Variants in HOATZ observed in about 807,000 individuals in gnomAD.
HOATZ encodes the protein cilia- and flagella-associated protein HOATZ.
A neutral mutation model predicts 24.9 loss-of-function variants in HOATZ; 26 were observed. The ratio of observed to expected loss-of-function variants is 1.04; its 90% CI spans 0.76 to 1.45. HOATZ has a LOEUF of 1.45. Ranked by LOEUF, HOATZ falls within the 40% of genes most tolerant of loss-of-function variation. HOATZ has a pLI of 0.00. For missense variants in HOATZ, 226 were observed against 201.5 expected, an observed-to-expected ratio of 1.12 and a Z score of -0.74; for synonymous variants, 83 against 76.6, an observed-to-expected ratio of 1.08 and a Z score of -0.43.
chr11:111,529,489 G>A (rs981076432), intron 3 of HOATZ, among the ~76,000 whole-genome samples: 20 of 151,854 alleles, frequency 1.3e-4, no homozygotes, highest in African/African-American at 4.4e-4. Flanking sequence ...TCAGCCTCCC[G>A]AGTTGCTGGG....
At chr11:111,531,955 T>C (rs1015727836) in intron 3 of HOATZ, among the ~76,000 whole-genome samples, 5 of 152,200 alleles carry the variant, frequency 3.3e-5, no homozygotes, top group Admixed American at 3.3e-4. Flanking sequence ...CAGCAGCTTC[T>C]GGGGCTTTGC....
intron 5 of HOATZ, chr11:111,536,506 C>A: frequency 3.4e-6 from 1 of 291,740 alleles, no homozygotes. Context: ...AATCAATTAC[C>A]AATGATGAAA....
At chr11:111,520,348 T>C (rs1331356492) in intron 3 of HOATZ, among the ~76,000 whole-genome samples, 1 of 152,162 alleles carries the variant, frequency 6.6e-6, no homozygotes, top group East Asian at 1.9e-4. Context: ...GGCATATATG[T>C]AAATGACAGA....
intron 5 of HOATZ, chr11:111,536,008 C>T (rs988085535): frequency 1.3e-5 from 2 of 152,100 alleles, no homozygotes; most frequent in African/African-American, 2.4e-5. Context: ...TACTCTGTGC[C>T]CATATTTTAT....
At chr11:111,521,720 A>G (rs186400284) in intron 3 of HOATZ, among the ~76,000 whole-genome samples, 64 of 152,370 alleles carry the variant, frequency 4.2e-4, no homozygotes, top group African/African-American at 1.5e-3. Flanking sequence ...ATTTATAGTA[A>G]CAAGCAAATA....
intron 3 of HOATZ, among the ~76,000 whole-genome samples, chr11:111,531,457 G>C (rs1370416663): frequency 6.6e-6 from 1 of 152,132 alleles, no homozygotes; most frequent in African/African-American, 2.4e-5. Flanking sequence ...CATAATAAAG[G>C]TATAAAGTGC....
At chr11:111,517,609 A>G (rs1014932977) in intron 3 of HOATZ, among the ~76,000 whole-genome samples, 4 of 152,204 alleles carry the variant, frequency 2.6e-5, no homozygotes, top group Non-Finnish European at 5.9e-5. Context: ...GTGATCCCTT[A>G]TCTCAAGGAG....
intron 3 of HOATZ, among the ~76,000 whole-genome samples, chr11:111,533,053 C>T (rs1430590321): frequency 6.6e-6 from 1 of 152,110 alleles, no homozygotes; most frequent in Admixed American, 6.6e-5. Context: ...TAGTTTTTTG[C>T]ACTTAGGAAA....
chr11:111,523,730 T>C (rs751069643), intron 3 of HOATZ, among the ~76,000 whole-genome samples: 4 of 152,256 alleles, frequency 2.6e-5, no homozygotes, highest in Non-Finnish European at 5.9e-5. Flanking sequence ...CAAGGTGTTC[T>C]GTGACATTAA....
intron 3 of HOATZ, among the ~76,000 whole-genome samples, chr11:111,530,118 A>G (rs979398122): frequency 6.6e-6 from 1 of 152,226 alleles, no homozygotes; most frequent in Admixed American, 6.5e-5. Context: ...AATGTTCACC[A>G]TCTGTCATGC....
At chr11:111,529,067 C>T (rs1867368503) in intron 3 of HOATZ, among the ~76,000 whole-genome samples, 1 of 152,152 alleles carries the variant, frequency 6.6e-6, no homozygotes, top group Admixed American at 6.5e-5. Flanking sequence ...ATGAGATAAC[C>T]TATAAGGAAC....
At position 111,515,646 on chromosome 11, in the gene HOATZ, A is replaced by G. The variant is rs967821924; in HGVS notation, c.268+94A>G. The G allele has an allele frequency of 1.5e-5, 16 of 1,093,442 alleles. No homozygotes were observed. The African/African-American group carries it at 1.9e-4, about 13-fold the overall frequency. 67.7% of individuals were successfully genotyped at this position (1,093,442 alleles called of 1,614,324 possible). ...CAAGGGTACTACTTTACACTGTGGTATAACTTTCTGAATTGAACACCTAAG... is the reference window on the plus strand; with the variant it reads ...CAAGGGTACTACTTTACACTGTGGTGTAACTTTCTGAATTGAACACCTAAG... On this transcript the variant is annotated intron_variant, in intron 2 of 5. Coordinates refer to ENST00000375618, the MANE Select transcript of HOATZ (RefSeq NM_001100388.2).
chr11:111,530,656 T>A (rs1222637463), intron 3 of HOATZ, among the ~76,000 whole-genome samples: 3 of 152,156 alleles, frequency 2.0e-5, no homozygotes, highest in Non-Finnish European at 4.4e-5. Context: ...GTTAATTGAA[T>A]AATTATAAAG....
chr11:111,515,544 C>A lies in HOATZ; in HGVS notation c.260C>A (p.Ala87Glu), dbSNP rs529187598. Residue 87 changes from alanine (A) to glutamate (E), a missense_variant, in exon 2 of 6, where the codon GCG (alanine) becomes GAG (glutamate). By Grantham distance (107) the Ala-to-Glu change is moderately radical. Coordinates refer to ENST00000375618, the MANE Select transcript of HOATZ (RefSeq NM_001100388.2). Reference protein sequence around the residue: ...NSHSSQSFHLASNKNRDIFAE... With the variant: ...NSHSSQSFHLESNKNRDIFAE... ...CACTCCTCGCAGTCTTTTCACCTTG[C>A]GAGTAACAGTAAGTACCAAGTTTTA... 4.5e-5 allele frequency: 73 copies of A among 1,612,630 alleles called. No individual in the cohort carries two copies. The highest frequency in any genetic ancestry group is 5.7e-5 in the Non-Finnish European group (67 of 1,178,858).
At chr11:111,517,811 C>T (rs543598194) in intron 3 of HOATZ, among the ~76,000 whole-genome samples, 7 of 152,174 alleles carry the variant, frequency 4.6e-5, no homozygotes, top group Admixed American at 4.6e-4. Flanking sequence ...AAAGAATATG[C>T]AAAGCAATCC....
chr11:111,523,627 G>T (rs2135777173), intron 3 of HOATZ, among the ~76,000 whole-genome samples: 1 of 152,224 alleles, frequency 6.6e-6, no homozygotes, highest in Non-Finnish European at 1.5e-5. Flanking sequence ...TCTGCCTTCT[G>T]CCATACCTCC....
intron 3 of HOATZ, among the ~76,000 whole-genome samples, chr11:111,528,869 G>C (rs1383682734): frequency 1.3e-5 from 2 of 152,220 alleles, no homozygotes; most frequent in Non-Finnish European, 2.9e-5. Flanking sequence ...TGTGTTTGAA[G>C]TGTGGCAAAA....
intron 3 of HOATZ, among the ~76,000 whole-genome samples, chr11:111,521,618 C>A (rs1243283613): frequency 6.6e-6 from 1 of 152,162 alleles, no homozygotes; most frequent in Non-Finnish European, 1.5e-5. Context: ...TCCCCTTCAC[C>A]AATAAAAGTT....
At chr11:111,530,956 G>C (rs1281067797) in intron 3 of HOATZ, among the ~76,000 whole-genome samples, 1 of 152,108 alleles carries the variant, frequency 6.6e-6, no homozygotes. Context: ...TTTGTTTCTA[G>C]TGCATTATGT....
Sources: allele counts gnomAD v4.1 joint callset (sites outside exome capture counted in the v4.1 genomes callset), GRCh38; gene constraint gnomAD v4.1.1; transcripts MANE v1.5; gene names NCBI Gene and HGNC (gene_info 2026-07-23, HGNC 2026-07-21).